SPRY3: variants seen among roughly 807,000 people sequenced by gnomAD.
SPRY3 encodes sprouty RTK signaling antagonist 3.
A neutral mutation model predicts 20.2 loss-of-function variants in SPRY3; 15 were observed. That is an observed-to-expected ratio of 0.74 (90% CI 0.50 to 1.14). The LOEUF (loss-of-function observed/expected upper bound fraction) is 1.14, where lower values mean the gene tolerates loss of function less well. Among genes scored for constraint, SPRY3 ranks in the 50% most tolerant of loss-of-function variants. The pLI is 0.00. For missense variants in SPRY3, 364 were observed against 363.9 expected, an observed-to-expected ratio of 1.00 and a Z score of 0.00; for synonymous variants, 143 against 136.5, an observed-to-expected ratio of 1.05 and a Z score of -0.33.
intron 2 of SPRY3, among the ~76,000 whole-genome samples, chrX:155,697,529 A>G (rs1241840957): frequency 3.7e-5 from 4 of 108,626 alleles, no homozygotes; most frequent in African/African-American, 1.3e-4. Context: ...ACACATATAT[A>G]TATATATACA....
chrX:155,710,277 A>G (rs1275245356), intron 2 of SPRY3, among the ~76,000 whole-genome samples: 3 of 151,772 alleles, frequency 2.0e-5, no homozygotes, highest in Non-Finnish European at 4.4e-5. Context: ...GACAACATTG[A>G]TTCTTCCAAT....
intron 2 of SPRY3, among the ~76,000 whole-genome samples, chrX:155,681,676 C>T (rs1450095209): frequency 8.9e-6 from 1 of 112,096 alleles, no homozygotes; most frequent in Non-Finnish European, 1.9e-5. Flanking sequence ...GTGAGGTAAC[C>T]TTATATTACT....
intron 2 of SPRY3, among the ~76,000 whole-genome samples, chrX:155,745,098 A>G (rs189645478): frequency 1.3e-5 from 2 of 152,144 alleles, no homozygotes; most frequent in Non-Finnish European, 2.9e-5. Context: ...TAGAGATCCT[A>G]TGCAAGTCTC....
At chrX:155,679,049 G>C (rs1433905364) in intron 2 of SPRY3, among the ~76,000 whole-genome samples, 1 of 110,782 alleles carries the variant, frequency 9.0e-6, no homozygotes, top group East Asian at 2.9e-4. Flanking sequence ...GCCTGTAGGG[G>C]CGTGGGGGGC....
chrX:155,743,162 A>C (rs545501192), intron 2 of SPRY3, among the ~76,000 whole-genome samples: 1 of 152,288 alleles, frequency 6.6e-6, no homozygotes, highest in South Asian at 2.1e-4. Context: ...AGAAATACAA[A>C]CAACCATCGG....
downstream of SPRY3, chrX:155,777,599 C>T (rs376259486): frequency 2.0e-4 from 4 of 20,502 alleles, no homozygotes; most frequent in African/African-American, 2.1e-3. Context: ...TGCGCATGGA[C>T]GTGTGAGTGA....
intron 2 of SPRY3, among the ~76,000 whole-genome samples, chrX:155,746,964 T>C (rs1273215053): frequency 6.6e-6 from 1 of 151,916 alleles, no homozygotes; most frequent in Non-Finnish European, 1.5e-5. Context: ...TTTTATTGTC[T>C]CCTCTTGGCT....
At chrX:155,754,126 C>T (rs1445241053) in intron 2 of SPRY3, among the ~76,000 whole-genome samples, 1 of 151,996 alleles carries the variant, frequency 6.6e-6, no homozygotes, top group African/African-American at 2.4e-5. Context: ...TCTTTTGTCA[C>T]TTGTGCTTTT....
At chrX:155,731,487 G>A (rs2091131693) in intron 2 of SPRY3, among the ~76,000 whole-genome samples, 2 of 151,830 alleles carry the variant, frequency 1.3e-5, no homozygotes. Context: ...TCTATCTCTT[G>A]CCATGTACAA....
intron 2 of SPRY3, among the ~76,000 whole-genome samples, chrX:155,764,515 G>A (rs1231947927): frequency 6.6e-6 from 1 of 152,142 alleles, no homozygotes; most frequent in Non-Finnish European, 1.5e-5. Flanking sequence ...TATTCATGTA[G>A]ATTTCCAAAA....
At chrX:155,743,841 A>G (rs1348547923) in intron 2 of SPRY3, among the ~76,000 whole-genome samples, 1 of 152,172 alleles carries the variant, frequency 6.6e-6, no homozygotes, top group Non-Finnish European at 1.5e-5. Flanking sequence ...ATCATGATAC[A>G]TCAACATGAA....
Position 155,641,279 on chromosome X carries a change from T to C in SPRY3, c.-440-15588T>C, listed in dbSNP as rs2067939130. On this transcript the variant is annotated intron_variant, in intron 1 of 3. Transcript: ENST00000675360. The stretch of plus-strand genomic sequence containing the variant: ...CCGTGTGATAAATCCCACTTGGTCA[T>C]GATAAATTATCTTTTTAATGTTTTA... Among the ~76,000 whole-genome samples, 5 of 112,301 alleles carry C rather than the reference T, an allele frequency of 4.5e-5. No individual in the cohort carries two copies. The South Asian group carries it at 1.8e-3, about 41-fold the overall frequency.
intron 2 of SPRY3, among the ~76,000 whole-genome samples, chrX:155,719,682 A>T (rs988773661): frequency 6.6e-6 from 1 of 151,972 alleles, no homozygotes; most frequent in African/African-American, 2.4e-5. Flanking sequence ...ACCCCTTTTC[A>T]GGGCCTAGCT....
chrX:155,717,858 A>G (rs755560765), intron 2 of SPRY3, among the ~76,000 whole-genome samples: 5 of 152,246 alleles, frequency 3.3e-5, no homozygotes, highest in African/African-American at 1.2e-4. Context: ...TAGTGCTTCA[A>G]TAAACATATG....
chrX:155,725,219 G>A (rs1021678398), intron 2 of SPRY3, among the ~76,000 whole-genome samples: 2 of 152,144 alleles, frequency 1.3e-5, no homozygotes, highest in African/African-American at 4.8e-5. Flanking sequence ...GATTCAGTTT[G>A]CCAGTATTTT....
chrX:155,740,305 A>G, intron 2 of SPRY3, among the ~76,000 whole-genome samples: 1 of 152,224 alleles, frequency 6.6e-6, no homozygotes, highest in South Asian at 2.1e-4. Context: ...AATAACAGCA[A>G]TTTTAGGGAG....
intron 2 of SPRY3, among the ~76,000 whole-genome samples, chrX:155,753,548 T>C (rs1271210050): frequency 6.6e-6 from 1 of 151,960 alleles, no homozygotes; most frequent in African/African-American, 2.4e-5. Context: ...CATGTACATG[T>C]TTTTGTATAG....
intron 2 of SPRY3, among the ~76,000 whole-genome samples, chrX:155,724,057 C>G (rs1012880253): frequency 6.6e-5 from 10 of 152,116 alleles, no homozygotes; most frequent in Non-Finnish European, 1.5e-4. Context: ...TTCCCCATTT[C>G]TTGTTTTTGT....
intron 2 of SPRY3, among the ~76,000 whole-genome samples, chrX:155,740,444 C>T (rs1424793591): frequency 6.6e-6 from 1 of 152,032 alleles, no homozygotes; most frequent in Admixed American, 6.6e-5. Flanking sequence ...CTTTTCCTAG[C>T]AAGGAATATT....
Sources: gnomAD v4.1 joint callset for allele counts (sites outside exome capture counted in the v4.1 genomes callset) on GRCh38, gnomAD v4.1.1 for gene constraint, MANE v1.5 for transcripts, NCBI Gene and HGNC (gene_info 2026-07-23, HGNC 2026-07-21) for gene names.